TCF20: variants seen among roughly 807,000 people sequenced by gnomAD.
The protein encoded by TCF20 is SPRE-binding protein.
A neutral mutation model predicts 148.6 loss-of-function variants in TCF20; 3 were observed. That is an observed-to-expected ratio of 0.02 (90% CI 0.01 to 0.05). The LOEUF is 0.05. Among genes scored for constraint, TCF20 ranks in the 10% least tolerant of loss-of-function variants. TCF20 has a pLI of 1.00. For synonymous variants in TCF20, 1,049 were observed against 909.5 expected (o/e 1.15, Z -2.76); for missense variants, 2,350 against 2,429.3 (o/e 0.97, Z 0.69).
chr22:42,272,840 G>A (rs563070445), upstream of TCF20, among the ~76,000 whole-genome samples: 6 of 152,232 alleles, frequency 3.9e-5, no homozygotes, highest in African/African-American at 1.4e-4. Context: ...TCCCCCTTTG[G>A]TTTCCTCAGC....
chr22:42,195,974 C>A (rs776001247), intron 2 of TCF20, among the ~76,000 whole-genome samples: 1 of 152,224 alleles, frequency 6.6e-6, no homozygotes, highest in South Asian at 2.1e-4. Context: ...GCCAACTCAG[C>A]CCTTGGGGAG....
chr22:42,165,581 T>A (rs1935734630), intron 5 of TCF20, among the ~76,000 whole-genome samples: 1 of 152,188 alleles, frequency 6.6e-6, no homozygotes, highest in African/African-American at 2.4e-5. Context: ...CTGGCGAGGG[T>A]CAGGTACCAG....
At chr22:42,194,934 G>A (rs1460335585) in intron 2 of TCF20, among the ~76,000 whole-genome samples, 3 of 151,656 alleles carry the variant, frequency 2.0e-5, no homozygotes, top group Admixed American at 2.0e-4. Context: ...CATAGACCAT[G>A]CCTCCCAGCA....
At chr22:42,219,863 A>G (rs1235414481) in intron 1 of TCF20, among the ~76,000 whole-genome samples, 1 of 152,108 alleles carries the variant, frequency 6.6e-6, no homozygotes, top group African/African-American at 2.4e-5. Context: ...CTCAATAAAT[A>G]AATAAAAAAG....
At chr22:42,165,106 T>C (rs939887565) in intron 5 of TCF20, among the ~76,000 whole-genome samples, 11 of 152,204 alleles carry the variant, frequency 7.2e-5, no homozygotes, top group Non-Finnish European at 1.2e-4. Context: ...ATGCCTGGGC[T>C]GGGGCTGGTG....
rs1182607729 is a variant in TCF20, at chr22:42,292,625, C to T, written c.-37+50854G>A. On this transcript the variant is annotated intron_variant, in intron 1 of 1. Transcript: ENST00000515426. This position sits in a 1 kb window ranked among gnomAD's most constrained non-coding sequence, Gnocchi z 4.9. ...CCTGGATAAATCCCAGAAGGCATCC[C>T]AGAAGAGGGGGTGTTTAAGCAGGAA... 1.3e-5 allele frequency among the ~76,000 whole-genome samples: 2 copies of T among 151,998 alleles called. No homozygotes were observed. Among genetic ancestry groups the T allele is most frequent in the African/African-American group, 4.8e-5 (2 of 41,374 alleles).
At chr22:42,262,823 C>T (rs570151461) in intron 1 of TCF20, among the ~76,000 whole-genome samples, 12 of 152,260 alleles carry the variant, frequency 7.9e-5, no homozygotes, top group African/African-American at 2.4e-4. Context: ...ATCTTCTATT[C>T]CCCTTATGAG....
In TCF20 at chr22:42,338,585, G is replaced by A. The variant is rs1369279438; in HGVS notation, c.-37+4894C>T. Among the ~76,000 whole-genome samples the A allele has an allele frequency of 6.6e-6, 1 of 152,248 alleles. No individual in the cohort carries two copies. Among genetic ancestry groups the A allele is most frequent in the African/African-American group, 2.4e-5 (1 of 41,466 alleles). On this transcript the variant is annotated intron_variant, in intron 1 of 1. Coordinates refer to the TCF20 transcript ENST00000515426. The surrounding 1 kb of genome is among the most constrained non-coding windows in gnomAD (Gnocchi z 4.0). ...GAGGGAGGCGGGGAGGCTGGCGAGA[G>A]GCTTAATGAAACTGCTAACGCGTTA...
Position 42,297,735 on chromosome 22 carries a change from T to C in TCF20, c.-37+45744A>G, listed in dbSNP as rs1231308540. Among the ~76,000 whole-genome samples the C allele has an allele frequency of 6.6e-6, 1 of 152,188 alleles. No homozygotes were observed. Among genetic ancestry groups the C allele is most frequent in the Non-Finnish European group, 1.5e-5 (1 of 68,028 alleles). On this transcript the variant is annotated intron_variant, in intron 1 of 1. Transcript: ENST00000515426. The surrounding 1 kb of genome is among the most constrained non-coding windows in gnomAD (Gnocchi z 4.3). ...GACAAATGTGTGTGGACTCCCCTCTTGCCCCACAAACCACAACAGAAGGCC... is the reference window on the plus strand; with the variant it reads ...GACAAATGTGTGTGGACTCCCCTCTCGCCCCACAAACCACAACAGAAGGCC...
chr22:42,224,040 C>G (rs920072748), intron 1 of TCF20, among the ~76,000 whole-genome samples: 3 of 152,096 alleles, frequency 2.0e-5, no homozygotes, highest in Admixed American at 6.6e-5. Context: ...GAAAGAAACC[C>G]ACAAGAATGC....
At chr22:42,162,779 C>T (rs1902682361) in intron 5 of TCF20, among the ~76,000 whole-genome samples, 2 of 152,218 alleles carry the variant, frequency 1.3e-5, no homozygotes, top group South Asian at 2.1e-4. Flanking sequence ...AGTTCACACA[C>T]GCAGAACTGC....
At chr22:42,233,884 T>C (rs1923647488) in intron 1 of TCF20, among the ~76,000 whole-genome samples, 1 of 152,106 alleles carries the variant, frequency 6.6e-6, no homozygotes. Flanking sequence ...ACATAATAAA[T>C]CCCACTTCTG....
intron 1 of TCF20, among the ~76,000 whole-genome samples, chr22:42,325,542 G>A (rs994499563): frequency 1.3e-5 from 2 of 152,346 alleles, no homozygotes; most frequent in African/African-American, 2.4e-5. Context: ...AGCTCGGGGG[G>A]AGGGGAGGGC....
intron 1 of TCF20, among the ~76,000 whole-genome samples, chr22:42,235,554 A>C (rs1286610942): frequency 6.6e-6 from 1 of 152,270 alleles, no homozygotes; most frequent in Non-Finnish European, 1.5e-5. Context: ...TAGTAAGCGA[A>C]GTGAACAAAA....
chr22:42,183,846 G>A (rs760114486), intron 2 of TCF20, among the ~76,000 whole-genome samples: 8 of 150,032 alleles, frequency 5.3e-5, no homozygotes, highest in South Asian at 2.1e-4. Context: ...TCGGCTCACC[G>A]CAACCTCCAC....
chr22:42,252,317 T>C (rs550745350), intron 1 of TCF20, among the ~76,000 whole-genome samples: 23 of 151,454 alleles, frequency 1.5e-4, no homozygotes, highest in African/African-American at 5.6e-4. Flanking sequence ...AAAAGAACTG[T>C]CTCTTTCAGA....
chr22:42,177,140 C>T (rs897032300), intron 3 of TCF20, among the ~76,000 whole-genome samples: 4 of 152,038 alleles, frequency 2.6e-5, no homozygotes, highest in Non-Finnish European at 5.9e-5. Context: ...AAACGCTGGG[C>T]GCGGTGGCTC....
intron 1 of TCF20, among the ~76,000 whole-genome samples, chr22:42,309,901 T>C (rs1927502800): frequency 6.6e-6 from 1 of 152,228 alleles, no homozygotes; most frequent in Non-Finnish European, 1.5e-5. Context: ...ATCATCGCCA[T>C]GAGGATGCTC....
intron 1 of TCF20, among the ~76,000 whole-genome samples, chr22:42,282,814 C>T (rs1485552383): frequency 6.6e-6 from 1 of 152,212 alleles, no homozygotes; most frequent in South Asian, 2.1e-4. Context: ...CCTCCTGCCT[C>T]GCCGGCCTGT....
Sources: allele counts gnomAD v4.1 joint callset (sites outside exome capture counted in the v4.1 genomes callset), GRCh38; gene constraint gnomAD v4.1.1; non-coding constraint Gnocchi (gnomAD v3.1); transcripts MANE v1.5; gene names NCBI Gene and HGNC (gene_info 2026-07-23, HGNC 2026-07-21).